Variants in CCDC158 observed in about 807,000 individuals in gnomAD.
The protein encoded by CCDC158 is coiled-coil domain-containing protein 158.
In CCDC158, 116 loss-of-function variants were observed where a neutral mutation model predicts 138.6. The observed-to-expected ratio is 0.84, with a 90% confidence interval of 0.72 to 0.98. CCDC158 has a LOEUF of 0.98. Among genes scored for constraint, CCDC158 ranks in the 50% least tolerant of loss-of-function variants. The probability of loss-of-function intolerance (pLI) is 0.00; values close to 1 mark genes in which losing one functional copy is unlikely to be tolerated. For missense variants in CCDC158, 1,265 were observed against 1,306.1 expected (o/e 0.97, Z 0.48); for synonymous variants, 436 against 442.4 (o/e 0.99, Z 0.18).
chr4:76,313,844 T>C (rs1719115647), intron 24 of CCDC158, among the ~76,000 whole-genome samples: 1 of 152,264 alleles, frequency 6.6e-6, no homozygotes, highest in South Asian at 2.1e-4. Context: ...GTAGCTTCTT[T>C]TTCATATAAC....
intron 21 of CCDC158, among the ~76,000 whole-genome samples, chr4:76,329,411 C>T (rs138395185): frequency 0.012 from 1,850 of 152,048 alleles, 36 homozygotes; most frequent in African/African-American, 0.043. Flanking sequence ...GGTGAAACCC[C>T]GTCTCTACTA....
chr4:76,379,953 C>A (rs1048038854), intron 8 of CCDC158, among the ~76,000 whole-genome samples: 7 of 152,150 alleles, frequency 4.6e-5, no homozygotes, highest in Non-Finnish European at 7.3e-5. Context: ...CACTTCCCCC[C>A]TTTCCTGCTC....
At chr4:76,367,012 G>A (rs1724737657) in intron 12 of CCDC158, among the ~76,000 whole-genome samples, 1 of 152,078 alleles carries the variant, frequency 6.6e-6, no homozygotes. Flanking sequence ...TGTCTGAAGA[G>A]GGAGAAAATA....
At position 76,351,109 on chromosome 4, in the gene CCDC158, G is replaced by A; in HGVS notation, c.2551C>T (p.Pro851Ser). 6.2e-7 allele frequency: 1 copy of A among 1,612,772 alleles called. No individual in the cohort carries two copies. Among genetic ancestry groups the A allele is most frequent in the Admixed American group, 1.7e-5 (1 of 59,844 alleles). The change falls in exon 18 of 25, where the codon CCT becomes TCT. Residue 851 changes from proline to serine, a missense_variant. Coordinates refer to ENST00000682701, the MANE Select transcript of CCDC158 (RefSeq NM_001394954.1). ...AATGAAGAATTTGAGGTGTATCCAGGGCCCTGAAGTTCCTGGAAAACAATA... is the reference window on the plus strand; with the variant it reads ...AATGAAGAATTTGAGGTGTATCCAGAGCCCTGAAGTTCCTGGAAAACAATA... ...HTLDIKELQG[P>S]GYTSNSSLKP...
At chr4:76,388,037 T>A (rs1012933154) in intron 4 of CCDC158, among the ~76,000 whole-genome samples, 7 of 151,702 alleles carry the variant, frequency 4.6e-5, no homozygotes, top group Admixed American at 3.3e-4. Context: ...GTAAACATAA[T>A]AAAAATAAAG....
chr4:76,344,517 C>T lies in CCDC158; in HGVS notation c.2664+6479G>A, dbSNP rs1425495305. 3.6e-6 allele frequency: 3 copies of T among 838,732 alleles called. No individual in the cohort carries two copies. The Admixed American group carries it at 5.1e-5, about 14-fold the overall frequency. The allele number at this position is 838,732 out of a possible 1,614,324, so 52.0% of individuals were successfully genotyped here. A position where few individuals can be genotyped will look rare whatever the true frequency, so the allele number is the denominator to read the frequency against. On this transcript the variant is annotated intron_variant, in intron 18 of 24. Transcript: ENST00000682701. ...TACAGGCTTGTCCTCCAGCCAGTGC[C>T]TGATGTGCCCCAGCTGGGAAGCTGA...
chr4:76,337,844 G>A (rs143985706), intron 18 of CCDC158, among the ~76,000 whole-genome samples: 312 of 152,222 alleles, frequency 2.0e-3, no homozygotes, highest in Admixed American at 8.0e-3. Context: ...GAAGTTAGCA[G>A]AGCCCAACAA....
intron 18 of CCDC158, among the ~76,000 whole-genome samples, chr4:76,341,826 A>G (rs1722075958): frequency 6.6e-6 from 1 of 152,208 alleles, no homozygotes. Flanking sequence ...CTTTTAACAC[A>G]AGAAAATCAC....
intron 21 of CCDC158, among the ~76,000 whole-genome samples, chr4:76,330,065 C>T (rs1280570341): frequency 6.6e-6 from 1 of 152,082 alleles, no homozygotes; most frequent in East Asian, 1.9e-4. Flanking sequence ...CTGAAGGAAG[C>T]AGATTTTTCT....
chr4:76,404,891 G>T (rs185256040), intron 2 of CCDC158, among the ~76,000 whole-genome samples: 1 of 151,870 alleles, frequency 6.6e-6, no homozygotes, highest in Non-Finnish European at 1.5e-5. Context: ...ACAAAAAAAA[G>T]GAGTGAGAGA....
rs147626666 is a variant in CCDC158, at chr4:76,362,142, T to C, written c.2004A>G (p.Glu668=). 9.9e-4 allele frequency: 1,605 copies of C among 1,613,702 alleles called. 1 individual carries two copies. Among genetic ancestry groups the C allele is most frequent in the Non-Finnish European group, 1.3e-3 (1,498 of 1,179,876 alleles). Residue 668 remains glutamate, a synonymous_variant, in exon 13 of 25, where the codon GAA becomes GAG. Coordinates refer to ENST00000682701, the MANE Select transcript of CCDC158 (RefSeq NM_001394954.1). ...LLNEVKTSRS[E]LNNLSEEYEV... is the part of the protein sequence containing the mutation. Reference sequence around the variant, plus strand: ...GCAACATACCTGAAAGATTGTTTAATTCACTCCTACTTGTTTTCACCTCAT... The same window carrying C: ...GCAACATACCTGAAAGATTGTTTAACTCACTCCTACTTGTTTTCACCTCAT...
rs557168017 is a variant in CCDC158 at position 76,366,163 on chromosome 4, G to A, written c.1830+1131C>T. Among the ~76,000 whole-genome samples the A allele has an allele frequency of 2.0e-5, 3 of 152,230 alleles. No homozygotes were observed. In the South Asian group the frequency reaches 6.2e-4, roughly 32 times the overall value. ...TTTCTCCTCTGATATGCTCTGCCCT[G>A]CATCACACCTGTTCTAAGGGTTTCA... On this transcript the variant is annotated intron_variant, in intron 12 of 24. Transcript: ENST00000682701.
intron 23 of CCDC158, among the ~76,000 whole-genome samples, chr4:76,324,266 C>A (rs886813709): frequency 6.6e-6 from 1 of 150,908 alleles, no homozygotes; most frequent in Non-Finnish European, 1.5e-5. Flanking sequence ...CAGCTCATTG[C>A]AACCTCTGCC....
Position 76,350,989 on chromosome 4 carries a change from T to C in CCDC158, c.2664+7A>G, listed in dbSNP as rs1276212811. On this transcript the variant is annotated splice_region_variant and intron_variant, in intron 18 of 24. Coordinates refer to ENST00000682701, the MANE Select transcript of CCDC158 (RefSeq NM_001394954.1). The stretch of plus-strand genomic sequence containing the variant: ...TTGCGTAATGGATCATAAGACTGGT[T>C]ACTTACATGAGACAGGAAGCTGGCT... 4 of 1,612,516 alleles carry C rather than the reference T, an allele frequency of 2.5e-6. No homozygotes were observed. Among genetic ancestry groups the C allele is most frequent in the Middle Eastern group, 1.7e-4 (1 of 6,050 alleles).
intron 18 of CCDC158, among the ~76,000 whole-genome samples, chr4:76,349,074 A>G (rs922954705): frequency 7.2e-5 from 11 of 152,158 alleles, no homozygotes; most frequent in Non-Finnish European, 4.4e-5. Context: ...AGAAAAAACT[A>G]CCTCCAAAAC....
At chr4:76,318,767 A>G (rs916117534) in intron 24 of CCDC158, among the ~76,000 whole-genome samples, 1 of 152,154 alleles carries the variant, frequency 6.6e-6, no homozygotes, top group African/African-American at 2.4e-5. Context: ...CACATATTCT[A>G]TGAAGTCAGT....
upstream of CCDC158, among the ~76,000 whole-genome samples, chr4:76,421,553 C>T (rs1191637106): frequency 6.6e-6 from 1 of 152,046 alleles, no homozygotes; most frequent in Non-Finnish European, 1.5e-5. Context: ...CTGTCCCCAC[C>T]GTGGTCTTCC....
chr4:76,340,637 A>C (rs1001599998), intron 18 of CCDC158, among the ~76,000 whole-genome samples: 1 of 152,080 alleles, frequency 6.6e-6, no homozygotes, highest in African/African-American at 2.4e-5. Context: ...ACTGGACATA[A>C]GCAACACCCT....
intron 4 of CCDC158, among the ~76,000 whole-genome samples, chr4:76,385,209 T>C (rs1006804518): frequency 6.6e-6 from 1 of 152,120 alleles, no homozygotes; most frequent in African/African-American, 2.4e-5. Flanking sequence ...ATTCTGCCCA[T>C]GAATAGAAAG....
Sources: gnomAD v4.1 joint callset for allele counts (sites outside exome capture counted in the v4.1 genomes callset) on GRCh38, gnomAD v4.1.1 for gene constraint, MANE v1.5 for transcripts, NCBI Gene and HGNC (gene_info 2026-07-23, HGNC 2026-07-21) for gene names.